Variants in COQ3 observed in about 807,000 individuals in gnomAD.
COQ3 encodes ubiquinone biosynthesis O-methyltransferase, mitochondrial.
A neutral mutation model predicts 33.1 loss-of-function variants in COQ3; 29 were observed. That is an observed-to-expected ratio of 0.88 (90% CI 0.65 to 1.19). COQ3 has a LOEUF of 1.19. Among genes scored for constraint, COQ3 ranks in the 50% most tolerant of loss-of-function variants. COQ3 has a pLI of 0.00. For synonymous variants in COQ3, 173 were observed against 157.8 expected (o/e 1.10, Z -0.72); for missense variants, 437 against 430.7 (o/e 1.01, Z -0.13).
At chr6:99,379,789 A>G (rs1431881385) in intron 3 of COQ3, among the ~76,000 whole-genome samples, 1 of 152,016 alleles carries the variant, frequency 6.6e-6, no homozygotes, top group African/African-American at 2.4e-5. Flanking sequence ...CAGGAGGTGG[A>G]GGTTGGAGTG....
chr6:99,378,900 G>A (rs1195097778), intron 3 of COQ3, among the ~76,000 whole-genome samples: 1 of 150,098 alleles, frequency 6.7e-6, no homozygotes, highest in Non-Finnish European at 1.5e-5. Context: ...GCCCAAAATT[G>A]TTTGATGAAT....
At position 99,389,255 on chromosome 6, in the gene COQ3, G is replaced by A. The variant is rs1375589529; in HGVS notation, c.106+4819C>T. 2.6e-5 allele frequency among the ~76,000 whole-genome samples: 4 copies of A among 152,194 alleles called. No homozygotes were observed. The East Asian group carries it at 7.7e-4, about 29-fold the overall frequency. On this transcript the variant is annotated intron_variant, in intron 1 of 6. Coordinates refer to ENST00000254759, the MANE Select transcript of COQ3 (RefSeq NM_017421.4). ...ATCCAGCTCAGCCTCCCAAGTAACT[G>A]GGACTACAGGTGCACACGCCACCAT...
intron 5 of COQ3, among the ~76,000 whole-genome samples, chr6:99,373,322 T>G (rs1189942702): frequency 1.3e-5 from 2 of 152,120 alleles, no homozygotes; most frequent in Non-Finnish European, 2.9e-5. Context: ...ACATAGCTAC[T>G]TGGGAAGCTG....
At chr6:99,376,568 G>A (rs888034424) in intron 4 of COQ3, among the ~76,000 whole-genome samples, 3 of 152,182 alleles carry the variant, frequency 2.0e-5, no homozygotes, top group African/African-American at 7.2e-5. Flanking sequence ...ATTTTCTAAA[G>A]AACAATCTTT....
chr6:99,390,749 C>G (rs1376369629), intron 1 of COQ3, among the ~76,000 whole-genome samples: 1 of 152,188 alleles, frequency 6.6e-6, no homozygotes, highest in Admixed American at 6.5e-5. Context: ...GGCTGGACTG[C>G]AGTGGAACAA....
rs557746854 is a variant in COQ3 at position 99,384,058 on chromosome 6, G to A, written c.107-234C>T. 1.1e-3 allele frequency among the ~76,000 whole-genome samples: 170 copies of A among 151,932 alleles called. 1 individual carries two copies. Among genetic ancestry groups the A allele is most frequent in the African/African-American group, 3.9e-3 (161 of 41,420 alleles). ...GGGGACTACAAGCGCAGGCCACCAGGCCCAGCTCATTTTTGTTGTTATTGT... is the reference window on the plus strand; with the variant it reads ...GGGGACTACAAGCGCAGGCCACCAGACCCAGCTCATTTTTGTTGTTATTGT... On this transcript the variant is annotated intron_variant, in intron 1 of 6. Transcript: ENST00000254759.
chr6:99,371,528 T>C lies in COQ3; in HGVS notation c.789A>G (p.Gly263=). The C allele has an allele frequency of 6.2e-7, 1 of 1,607,854 alleles. No individual in the cohort carries two copies. The highest frequency in any genetic ancestry group is 8.5e-7 in the Non-Finnish European group (1 of 1,176,840). The stretch of plus-strand genomic sequence containing the variant: ...TTGCAATTTGCTCTGAAAAAACAAT[T>C]CCCAAGGCATAGGAAAGTTGTGTTT... The part of the protein sequence containing the change: ...INKTQLSYAL[G]IVFSEQIASI... Residue 263 remains glycine, a synonymous_variant, in exon 6 of 7, where the codon GGA becomes GGG. Transcript: ENST00000254759.
chr6:99,370,363 T>TTTG (rs1774102317), intron 6 of COQ3, among the ~76,000 whole-genome samples: 1 of 126,916 alleles, frequency 7.9e-6, no homozygotes, highest in Non-Finnish European at 1.7e-5. Context: ...TTTTTTTTTT[T>TTTG]TGTGAGACAG....
rs1774271076 is a variant in COQ3, at chr6:99,376,010, A to C, written c.659T>G (p.Val220Gly). The C allele has an allele frequency of 6.2e-7, 1 of 1,613,920 alleles. No individual in the cohort carries two copies. The highest frequency in any genetic ancestry group is 1.7e-5 in the Admixed American group (1 of 60,002). ...EETAETFDAV[V>G]ASEVVEHVID... ...CACATGTTCTACAACTTCAGAAGCT[A>C]CAACAGCATCAAATGTTTCTGCAGT... The change falls in exon 5 of 7, where the codon GTA (valine) becomes GGA (glycine). Residue 220 changes from valine (V) to glycine (G), a missense_variant. Transcript: ENST00000254759.
intron 1 of COQ3, among the ~76,000 whole-genome samples, chr6:99,388,069 C>A (rs1296904562): frequency 6.6e-6 from 1 of 152,096 alleles, no homozygotes. Flanking sequence ...GAGGCTGAGG[C>A]AGGAGAATTG....
At position 99,388,289 on chromosome 6, in the gene COQ3, A is replaced by G. The variant is rs370099190; in HGVS notation, c.107-4465T>C. ...GTGGAAGGCAAAATTCAAAATGTAA[A>G]ATACTTTATCATTTTAAATCATTTC... On this transcript the variant is annotated intron_variant, in intron 1 of 6. Coordinates refer to ENST00000254759, the MANE Select transcript of COQ3 (RefSeq NM_017421.4). Among the ~76,000 whole-genome samples the G allele has an allele frequency of 5.8e-4, 89 of 152,372 alleles. 2 individuals are homozygous for G. In the East Asian group the frequency reaches 0.015, roughly 26 times the overall value.
intron 1 of COQ3, among the ~76,000 whole-genome samples, chr6:99,387,183 T>C (rs1161636744): frequency 2.0e-5 from 3 of 152,198 alleles, no homozygotes; most frequent in Admixed American, 6.5e-5. Context: ...GCAGGGTGGC[T>C]CACACCTGTA....
intron 5 of COQ3, among the ~76,000 whole-genome samples, chr6:99,374,158 C>T (rs901015270): frequency 2.7e-5 from 4 of 149,352 alleles, no homozygotes; most frequent in Non-Finnish European, 5.9e-5. Flanking sequence ...TAAAATTTAA[C>T]GAGCTCTGTA....
At position 99,376,092 on chromosome 6, in the gene COQ3, C is replaced by T; in HGVS notation, c.577G>A (p.Val193Ile). 6.2e-7 allele frequency: 1 copy of T among 1,614,124 alleles called. No individual in the cohort carries two copies. The highest frequency in any genetic ancestry group is 1.3e-5 in the African/African-American group (1 of 75,040). ...TAQCHKSFDP[V>I]LDKRIEYRVC... ...CTGTACTCTATTCTCTTATCCAGGA[C>T]TGGATCAAATGATTTATGGCATTGT... is the stretch of plus-strand genomic sequence containing the variant. Residue 193 changes from valine to isoleucine, a missense_variant, in exon 5 of 7, where the codon GTC (valine) becomes ATC (isoleucine). Coordinates refer to ENST00000254759, the MANE Select transcript of COQ3 (RefSeq NM_017421.4).
At chr6:99,393,963 T>G (rs978755935) in intron 1 of COQ3, 111 bp downstream of exon 1, 2 of 833,296 alleles carry the variant, frequency 2.4e-6, no homozygotes, top group South Asian at 1.4e-5. Flanking sequence ...GGTTTCGCGC[T>G]GACCCCTCGC....
In COQ3 at chr6:99,369,696, G is replaced by A. The variant is rs570269116; in HGVS notation, c.1014C>T (p.His338=). Residue 338 remains histidine (H), a synonymous_variant, in exon 7 of 7, where the codon CAC becomes CAT. Coordinates refer to ENST00000254759, the MANE Select transcript of COQ3 (RefSeq NM_017421.4). ...AYAVKSRVQE[H]PASAEFVLKG... ...TTAAAACAAACTCAGCAGAGGCTGG[G>A]TGTTCCTGGACCCTGGATTTCACAG... The A allele has an allele frequency of 1.5e-5, 25 of 1,613,936 alleles. No individual in the cohort carries two copies. Among genetic ancestry groups the A allele is most frequent in the South Asian group, 1.4e-4 (13 of 91,078 alleles).
chr6:99,387,863 T>A (rs1399319629), intron 1 of COQ3, among the ~76,000 whole-genome samples: 1 of 152,074 alleles, frequency 6.6e-6, no homozygotes, highest in African/African-American at 2.4e-5. Context: ...AATAAGTGAA[T>A]TCAGAAAGGT....
At chr6:99,384,652 A>G (rs996997082) in intron 1 of COQ3, among the ~76,000 whole-genome samples, 14 of 152,202 alleles carry the variant, frequency 9.2e-5, no homozygotes, top group South Asian at 4.1e-4. Flanking sequence ...CTCAACTTAC[A>G]CAGGGGCCTG....
In COQ3 at chr6:99,369,527, G is replaced by T; in HGVS notation, c.*73C>A. 9.0e-7 allele frequency: 1 copy of T among 1,115,968 alleles called. No homozygotes were observed. The highest frequency in any genetic ancestry group is 1.3e-6 in the Non-Finnish European group (1 of 791,750). The allele number at this position is 1,115,968 out of a possible 1,614,324, so 69.1% of individuals were successfully genotyped here. Reference sequence around the variant, plus strand: ...CTTTTCTTCATGATTCTCTCTCAAAGGATAAATTGTACATTTTTGTATTTG... The same window carrying T: ...CTTTTCTTCATGATTCTCTCTCAAATGATAAATTGTACATTTTTGTATTTG... On this transcript the variant is annotated 3_prime_UTR_variant, in exon 7 of 7. Coordinates refer to ENST00000254759, the MANE Select transcript of COQ3 (RefSeq NM_017421.4).
Sources: gnomAD v4.1 joint callset for allele counts (sites outside exome capture counted in the v4.1 genomes callset) on GRCh38, gnomAD v4.1.1 for gene constraint, MANE v1.5 for transcripts, NCBI Gene and HGNC (gene_info 2026-07-23, HGNC 2026-07-21) for gene names.